Variants in DYNC1I1 observed in about 807,000 individuals in gnomAD.
The protein encoded by DYNC1I1 is cytoplasmic dynein 1 intermediate chain 1.
Under a neutral mutation model 86.6 loss-of-function variants are expected in DYNC1I1, and 43 were observed. The ratio of observed to expected loss-of-function variants is 0.50; its 90% confidence interval spans 0.39 to 0.64. The LOEUF is 0.64. Among genes scored for constraint, DYNC1I1 ranks in the 30% least tolerant of loss-of-function variants. The pLI, the probability that DYNC1I1 is intolerant of heterozygous loss-of-function variation, is 0.00. For missense variants in DYNC1I1, 604 were observed against 788.8 expected (o/e 0.77, Z 2.81); for synonymous variants, 262 against 283.7 (o/e 0.92, Z 0.77).
chr7:96,077,239 T>TTGTG (rs3047672), intron 15 of DYNC1I1, among the ~76,000 whole-genome samples: 3,614 of 144,494 alleles, frequency 0.025, 132 homozygotes, highest in East Asian at 0.17. Context: ...TCCCTAGTAT[T>TTGTG]TGTGTGTGTG....
intron 6 of DYNC1I1, among the ~76,000 whole-genome samples, chr7:95,893,134 T>C (rs959545171): frequency 2.6e-5 from 4 of 152,214 alleles, no homozygotes; most frequent in Non-Finnish European, 5.9e-5. Context: ...AACACAAGCA[T>C]GTTTTGGAGC....
chr7:96,063,243 G>A (rs532964095), intron 14 of DYNC1I1, among the ~76,000 whole-genome samples: 1 of 152,136 alleles, frequency 6.6e-6, no homozygotes, highest in South Asian at 2.1e-4. Flanking sequence ...TTAGGAAGGA[G>A]AGAAATAGCT....
intron 6 of DYNC1I1, among the ~76,000 whole-genome samples, chr7:95,908,642 T>A (rs1040691919): frequency 5.9e-5 from 9 of 152,090 alleles, no homozygotes; most frequent in African/African-American, 1.9e-4. Flanking sequence ...GGGTGGGGGT[T>A]CATCCATAGC....
At chr7:95,975,843 T>C (rs1006256453) in intron 6 of DYNC1I1, among the ~76,000 whole-genome samples, 4 of 152,154 alleles carry the variant, frequency 2.6e-5, no homozygotes, top group Non-Finnish European at 5.9e-5. Flanking sequence ...CATCCAAGGA[T>C]TACTGAAAGA....
intron 6 of DYNC1I1, among the ~76,000 whole-genome samples, chr7:95,902,749 A>C (rs1409707574): frequency 1.3e-5 from 2 of 152,118 alleles, no homozygotes; most frequent in African/African-American, 4.8e-5. Context: ...CCTCCTCCTA[A>C]TGAAATATTC....
chr7:95,944,667 A>G (rs1419509748), intron 6 of DYNC1I1, among the ~76,000 whole-genome samples: 2 of 152,176 alleles, frequency 1.3e-5, no homozygotes, highest in African/African-American at 4.8e-5. Flanking sequence ...AATGTGGTAC[A>G]TATACACCAT....
chr7:95,954,376 G>T (rs925931256), intron 6 of DYNC1I1, among the ~76,000 whole-genome samples: 1 of 151,742 alleles, frequency 6.6e-6, no homozygotes, highest in Non-Finnish European at 1.5e-5. Flanking sequence ...CAAGTGCCCA[G>T]TTGCCACGTG....
At chr7:95,952,032 A>G (rs1239115345) in intron 6 of DYNC1I1, among the ~76,000 whole-genome samples, 1 of 152,160 alleles carries the variant, frequency 6.6e-6, no homozygotes, top group Non-Finnish European at 1.5e-5. Flanking sequence ...TAAGGCTCTG[A>G]TCGCCTGATT....
chr7:96,066,756 A>G (rs538255043), intron 14 of DYNC1I1, among the ~76,000 whole-genome samples: 102 of 152,152 alleles, frequency 6.7e-4, no homozygotes, highest in African/African-American at 2.2e-3. Context: ...AACTTGTAAG[A>G]CTCCATAAAT....
intron 16 of DYNC1I1, among the ~76,000 whole-genome samples, chr7:96,095,568 G>A (rs1790978861): frequency 6.6e-6 from 1 of 152,014 alleles, no homozygotes; most frequent in Non-Finnish European, 1.5e-5. Context: ...GGGCATTTTA[G>A]CTTTAGCTTG....
At chr7:95,879,954 T>C (rs1790409773) in intron 6 of DYNC1I1, among the ~76,000 whole-genome samples, 1 of 152,192 alleles carries the variant, frequency 6.6e-6, no homozygotes, top group Non-Finnish European at 1.5e-5. Flanking sequence ...CCCAGACCAG[T>C]TAGAGTTACG....
intron 5 of DYNC1I1, among the ~76,000 whole-genome samples, chr7:95,831,933 T>G (rs1788914793): frequency 6.6e-6 from 1 of 152,160 alleles, no homozygotes; most frequent in Non-Finnish European, 1.5e-5. Flanking sequence ...TATCTCCCAT[T>G]CTATACATTG....
intron 15 of DYNC1I1, among the ~76,000 whole-genome samples, chr7:96,079,834 C>CT (rs1790459017): frequency 6.6e-6 from 1 of 151,960 alleles, no homozygotes; most frequent in Non-Finnish European, 1.5e-5. Context: ...TTATGTTTTC[C>CT]TTTTTTCTTC....
chr7:96,104,226 T>TA (rs1294555850), intron 16 of DYNC1I1, among the ~76,000 whole-genome samples: 33 of 152,254 alleles, frequency 2.2e-4, no homozygotes, highest in African/African-American at 7.7e-4. Context: ...ATTCTGCTTT[T>TA]AAAAATTATT....
At chr7:96,060,075 T>A (rs759062545) in intron 14 of DYNC1I1, among the ~76,000 whole-genome samples, 1 of 152,272 alleles carries the variant, frequency 6.6e-6, no homozygotes, top group South Asian at 2.1e-4. Flanking sequence ...TTTAAGTGAA[T>A]CACATTAACT....
At chr7:95,945,284 T>C (rs1474652671) in intron 6 of DYNC1I1, among the ~76,000 whole-genome samples, 1 of 152,076 alleles carries the variant, frequency 6.6e-6, no homozygotes, top group Non-Finnish European at 1.5e-5. Flanking sequence ...TCTATTTCAC[T>C]GTCTCTAGAA....
chr7:96,069,434 G>A (rs1213308875), intron 14 of DYNC1I1, among the ~76,000 whole-genome samples: 4 of 152,156 alleles, frequency 2.6e-5, no homozygotes, highest in African/African-American at 7.2e-5. Flanking sequence ...TGCCCTCCTC[G>A]ACTCAAATAA....
At chr7:95,971,871 G>A (rs1454383442) in intron 6 of DYNC1I1, among the ~76,000 whole-genome samples, 1 of 152,070 alleles carries the variant, frequency 6.6e-6, no homozygotes, top group African/African-American at 2.4e-5. Flanking sequence ...GGAGTGAAAT[G>A]GTCCTGTCCA....
chr7:96,108,796 G>A (rs914933641), intron 16 of DYNC1I1, among the ~76,000 whole-genome samples: 34 of 150,548 alleles, frequency 2.3e-4, no homozygotes, highest in African/African-American at 6.8e-4. Flanking sequence ...AAGAAGCAGA[G>A]GTTGCAGTGA....
Sources: gnomAD v4.1 joint callset for allele counts (sites outside exome capture counted in the v4.1 genomes callset) on GRCh38, gnomAD v4.1.1 for gene constraint, MANE v1.5 for transcripts, NCBI Gene and HGNC (gene_info 2026-07-23, HGNC 2026-07-21) for gene names.